AKAP8: variants seen among roughly 807,000 people sequenced by gnomAD.
The protein encoded by AKAP8 is A-kinase anchor protein 8.
AKAP8 carries 24 observed loss-of-function variants against 67.5 expected under a neutral mutation model. That is an observed-to-expected ratio of 0.36 (90% CI 0.26 to 0.50). The LOEUF is 0.50. AKAP8 is among the 20% of genes least tolerant of loss of function. The pLI is 0.97. For synonymous variants in AKAP8, 400 were observed against 371.1 expected (o/e 1.08, Z -0.90); for missense variants, 971 against 955.9 (o/e 1.02, Z -0.21).
intron 2 of AKAP8, among the ~76,000 whole-genome samples, chr19:15,375,738 G>A (rs557730004): frequency 4.0e-5 from 6 of 151,078 alleles, no homozygotes; most frequent in African/African-American, 9.7e-5. Flanking sequence ...CTGGGTTCAC[G>A]CCATTCTCCT....
rs1306087762 is a variant in AKAP8, at chr19:15,373,276, A to T, written c.436T>A (p.Tyr146Asn). 3.7e-6 allele frequency: 6 copies of T among 1,613,860 alleles called. No individual in the cohort carries two copies. The highest frequency in any genetic ancestry group is 5.1e-6 in the Non-Finnish European group (6 of 1,180,004). ...TAGTCGTAGCTGTAGCTGGGGCGGT[A>T]GGGGTTGTGCTCCGGCAGGCAGGGC... ...SRPCLPEHNP[Y>N]RPSYSYDYEF... The change falls in exon 5 of 14, where the codon TAC becomes AAC. Residue 146 changes from tyrosine to asparagine, a missense_variant. Physicochemically the swap from Tyr to Asn is moderately radical, Grantham distance 143 (BLOSUM62 -2). Transcript: ENST00000269701.
intron 13 of AKAP8, among the ~76,000 whole-genome samples, chr19:15,356,778 G>C (rs963528222): frequency 6.6e-6 from 1 of 152,120 alleles, no homozygotes; most frequent in Non-Finnish European, 1.5e-5. Context: ...AGGTCAAGGC[G>C]GGAGGATCAC....
chr19:15,372,989 G>C lies in AKAP8; in HGVS notation c.723C>G (p.Ser241Arg). ...GGRGLGGPSP[S>R]RPPPSLFSQS... is the part of the protein sequence containing the mutation. ...GGGAGAAGAGGGACGGAGGTGGCCG[G>C]CTGGGGGAGGGCCCTCCCAGGCCCC... Residue 241 changes from serine to arginine, a missense_variant, in exon 5 of 14, where the codon AGC (serine) becomes AGG (arginine). Physicochemically the swap from Ser to Arg is moderately radical, Grantham distance 110. Around this residue, in one of 3 missense-constraint regions of AKAP8, gnomAD observed 763 missense variants for 745.4 expected, o/e 1.02. Coordinates refer to ENST00000269701, the MANE Select transcript of AKAP8 (RefSeq NM_005858.4). 6.4e-7 allele frequency: 1 copy of C among 1,565,636 alleles called. No homozygotes were observed. The highest frequency in any genetic ancestry group is 8.7e-7 in the Non-Finnish European group (1 of 1,155,048).
Position 15,373,016 on chromosome 19 carries a change from T to C in AKAP8, c.696A>G (p.Gly232=), listed in dbSNP as rs1326002211. The change falls in exon 5 of 14, where the codon GGA becomes GGG. Residue 232 remains glycine, a synonymous_variant. Transcript: ENST00000269701. ...TPWNELNYVG[G]RGLGGPSPSR... ...TGGGGGAGGGCCCTCCCAGGCCCCG[T>C]CCACCCACGTAGTTCAGCTCGTTCC... 1.9e-6 allele frequency: 3 copies of C among 1,577,216 alleles called. No individual in the cohort carries two copies. The highest frequency in any genetic ancestry group is 1.4e-5 in the African/African-American group (1 of 74,072).
chr19:15,358,239 TC>T (rs1340852958), intron 13 of AKAP8, among the ~76,000 whole-genome samples: 8 of 152,246 alleles, frequency 5.3e-5, no homozygotes, highest in African/African-American at 1.4e-4. Flanking sequence ...GATATGCTGC[TC>T]CCATCATGAA....
At position 15,368,284 on chromosome 19, in the gene AKAP8, T is replaced by G; in HGVS notation, c.1111A>C (p.Arg371=). The G allele has an allele frequency of 6.2e-7, 1 of 1,613,654 alleles. No individual in the cohort carries two copies. The highest frequency in any genetic ancestry group is 8.5e-7 in the Non-Finnish European group (1 of 1,179,974). The part of the protein sequence containing the change: ...EDEDEDVKKR[R]EKQRRRDRTR... ...CTGTCTCTTCTCCTTTGCTTTTCCC[T>G]TCTCTTCTTCACATCCTCGTCCTCG... The change falls in exon 9 of 14, where the codon AGG becomes CGG. Residue 371 remains arginine (R), a synonymous_variant. Coordinates refer to ENST00000269701, the MANE Select transcript of AKAP8 (RefSeq NM_005858.4).
Position 15,360,857 on chromosome 19 carries a change from G to T in AKAP8, c.1518C>A (p.His506Gln). 1 of 1,613,144 alleles carries T rather than the reference G, an allele frequency of 6.2e-7. No homozygotes were observed. ...GGGGAGGAAGACTCACCCTGCGGTT[G>T]TGATTGTGGTCCACGGAGTGCAGGT... is the stretch of plus-strand genomic sequence containing the variant. Reference protein sequence around the residue: ...QRHLHSVDHNHNRRLAAEQFK... With the variant: ...QRHLHSVDHNQNRRLAAEQFK... The change falls in exon 12 of 14, where the codon CAC becomes CAA. Residue 506 changes from histidine to glutamine, a missense_variant. Physicochemically the swap from His to Gln is conservative, Grantham distance 24. This residue lies in a region of AKAP8 where 763 missense variants were observed against 745.4 expected (regional missense o/e 1.02). Transcript: ENST00000269701.
At position 15,359,030 on chromosome 19, in the gene AKAP8, G is replaced by T; in HGVS notation, c.1560C>A (p.Leu520=). The T allele has an allele frequency of 6.2e-7, 1 of 1,614,160 alleles. No homozygotes were observed. Residue 520 remains leucine (L), a synonymous_variant, in exon 13 of 14, where the codon CTC becomes CTA. Transcript: ENST00000269701. ...TGTTCAAAACACTCTTAGCCACATGGAGACTGGTTTTCTTGAACTGTTCAG... is the reference window on the plus strand; with the variant it reads ...TGTTCAAAACACTCTTAGCCACATGTAGACTGGTTTTCTTGAACTGTTCAG... ...LAAEQFKKTS[L]HVAKSVLNNR...
chr19:15,374,395 C>T (rs913754739), intron 3 of AKAP8, among the ~76,000 whole-genome samples: 12 of 152,216 alleles, frequency 7.9e-5, no homozygotes, highest in Non-Finnish European at 1.5e-4. Flanking sequence ...AAAGCACGGT[C>T]GCAGTCCTCC....
intron 9 of AKAP8, among the ~76,000 whole-genome samples, chr19:15,363,782 C>T (rs543411348): frequency 1.2e-4 from 18 of 152,238 alleles, no homozygotes; most frequent in Admixed American, 3.9e-4. Context: ...AAGAGGTAGA[C>T]GTGGGAGACT....
chr19:15,374,518 G>C, intron 3 of AKAP8, 85 bp downstream of exon 3: 2 of 1,508,016 alleles, frequency 1.3e-6, no homozygotes, highest in East Asian at 2.3e-5. Flanking sequence ...GTCCACGCCA[G>C]ACCTCCCTGA....
At chr19:15,356,138 C>G (rs2048276874) in intron 13 of AKAP8, among the ~76,000 whole-genome samples, 2 of 152,018 alleles carry the variant, frequency 1.3e-5, no homozygotes, top group Non-Finnish European at 2.9e-5. Context: ...TGATGGCTCA[C>G]ACCTGTAATC....
chr19:15,356,415 A>AAAAAT (rs56040486), intron 13 of AKAP8, among the ~76,000 whole-genome samples: 118,142 of 148,784 alleles, frequency 0.79, 47,191 homozygotes, highest in East Asian at 0.99. Flanking sequence ...TCCATCTCAA[A>AAAAAT]AAAATAAAAT....
intron 7 of AKAP8, among the ~76,000 whole-genome samples, chr19:15,371,603 C>T (rs190187475): frequency 1.3e-5 from 2 of 152,198 alleles, no homozygotes; most frequent in Non-Finnish European, 2.9e-5. Context: ...ATCCTCCTCC[C>T]TCAGCCTCCC....
Position 15,373,910 on chromosome 19 carries a change from C to T in AKAP8, c.247G>A (p.Glu83Lys). 1 of 1,613,828 alleles carries T rather than the reference C, an allele frequency of 6.2e-7. No individual in the cohort carries two copies. Residue 83 changes from glutamate to lysine, a missense_variant, in exon 4 of 14, where the codon GAG (glutamate) becomes AAG (lysine). Physicochemically the swap from Glu to Lys is moderately conservative, Grantham distance 56 (BLOSUM62 1). Transcript: ENST00000269701. ...PAMHMASYGP[E>K]PCTDNSDSLI... ...GAGTCGGAATTGTCGGTGCATGGCT[C>T]TGGGCCGTAAGAGGCCATGTGCATG... is the stretch of plus-strand genomic sequence containing the variant.
chr19:15,358,601 T>C (rs1966915457), intron 13 of AKAP8, among the ~76,000 whole-genome samples: 2 of 152,092 alleles, frequency 1.3e-5, no homozygotes, highest in Admixed American at 6.5e-5. Context: ...TAGCCTCAAA[T>C]TCCTGGGCTC....
chr19:15,359,160 A>G, intron 12 of AKAP8, 98 bp from the exon 13 acceptor site: 2 of 1,099,884 alleles, frequency 1.8e-6, no homozygotes, highest in Non-Finnish European at 2.7e-6. Flanking sequence ...GATCAGCCCT[A>G]TGCAGAGAAG....
chr19:15,360,246 G>A (rs951462579), intron 12 of AKAP8, among the ~76,000 whole-genome samples: 1 of 152,144 alleles, frequency 6.6e-6, no homozygotes, highest in African/African-American at 2.4e-5. Flanking sequence ...TTTAATAGCT[G>A]AGTAAACTAA....
At chr19:15,355,430 T>G (rs1378423050) in intron 13 of AKAP8, 60 bp from the exon 14 acceptor site, 1 of 1,485,320 alleles carries the variant, frequency 6.7e-7, no homozygotes, top group East Asian at 2.3e-5. Context: ...GGCCCATGAT[T>G]GCGGGGATGT....
Sources: gnomAD v4.1 joint callset for allele counts (sites outside exome capture counted in the v4.1 genomes callset) on GRCh38, gnomAD v4.1.1 for gene constraint, gnomAD v4.1.1 regional missense constraint, MANE v1.5 for transcripts, NCBI Gene and HGNC (gene_info 2026-07-23, HGNC 2026-07-21) for gene names.